DMD: variants seen among roughly 807,000 people sequenced by gnomAD.
The protein encoded by DMD is mutant dystrophin.
A neutral mutation model predicts 330.1 loss-of-function variants in DMD; 63 were observed. That is an observed-to-expected ratio of 0.19 (90% CI 0.16 to 0.24). The LOEUF is 0.24. Among genes scored for constraint, DMD ranks in the 10% least tolerant of loss-of-function variants. The pLI, the probability that DMD is intolerant of heterozygous loss-of-function variation, is 1.00. For synonymous variants in DMD, 1,223 were observed against 959.8 expected, an observed-to-expected ratio of 1.27 and a Z score of -5.07; for missense variants, 3,344 against 2,684.1, an observed-to-expected ratio of 1.25 and a Z score of -5.43.
At chrX:31,711,632 A>G in intron 52 of DMD, among the ~76,000 whole-genome samples, 1 of 110,028 alleles carries the variant, frequency 9.1e-6, no homozygotes, top group Non-Finnish European at 1.9e-5. Flanking sequence ...CCTAAAATTT[A>G]TTGCCAAGTT....
Position 32,565,836 on chromosome X carries a change from G to A in DMD, c.1858C>T (p.Leu620=), listed in dbSNP as rs748742382. Residue 620 remains leucine, a synonymous_variant, in exon 16 of 79, where the codon CTG becomes TTG. Coordinates refer to ENST00000357033, the MANE Select transcript of DMD (RefSeq NM_004006.3). ...AGAAGATCTTGTTTGAGTGAATACA[G>A]TTTGCCCATGGATTGCTTTTTCTTT... ...LEKKKQSMGK[L]YSLKQDLLST... is the part of the protein sequence containing the mutation. 8 of 1,209,634 alleles carry A rather than the reference G, an allele frequency of 6.6e-6. No homozygotes were observed. In the Admixed American group the frequency reaches 1.8e-4, roughly 26 times the overall value.
chrX:32,197,215 G>C (rs1473816104), intron 44 of DMD, among the ~76,000 whole-genome samples: 1 of 109,869 alleles, frequency 9.1e-6, no homozygotes, highest in African/African-American at 3.3e-5. Flanking sequence ...TATATTTGTA[G>C]GGTACATGAG....
chrX:32,196,521 T>C (rs1465169264), intron 44 of DMD, among the ~76,000 whole-genome samples: 1 of 112,455 alleles, frequency 8.9e-6, no homozygotes, highest in Non-Finnish European at 1.9e-5. Flanking sequence ...TTAGTTTGCT[T>C]CAGGCTTCGC....
At chrX:33,006,539 C>CA (rs1175520642) in intron 2 of DMD, among the ~76,000 whole-genome samples, 2 of 111,042 alleles carry the variant, frequency 1.8e-5, no homozygotes, top group East Asian at 5.7e-4. Context: ...CATCTACATG[C>CA]AAAAAAATGA....
chrX:32,754,402 G>A (rs948587668), intron 7 of DMD, among the ~76,000 whole-genome samples: 8 of 110,152 alleles, frequency 7.3e-5, no homozygotes, highest in Admixed American at 2.0e-4. Flanking sequence ...ACTAAAATGT[G>A]TATTCTATAT....
chrX:32,062,375 C>T (rs2096231797), intron 44 of DMD, among the ~76,000 whole-genome samples: 2 of 110,824 alleles, frequency 1.8e-5, no homozygotes, highest in South Asian at 3.7e-4. Flanking sequence ...TGAATAATTA[C>T]GTGACAAGAG....
chrX:33,323,338 A>G (rs1260592115), intron 1 of DMD, among the ~76,000 whole-genome samples: 2 of 111,881 alleles, frequency 1.8e-5, no homozygotes, highest in Non-Finnish European at 3.8e-5. Context: ...AGCATCACAC[A>G]TTTAAAGTAG....
chrX:32,896,535 A>T (rs917779540), intron 2 of DMD, among the ~76,000 whole-genome samples: 1 of 112,028 alleles, frequency 8.9e-6, no homozygotes, highest in Admixed American at 9.5e-5. Context: ...GCCCTAAAAG[A>T]CACACTACTG....
Position 31,724,083 on chromosome X carries a change from C to T in DMD, c.7660+5548G>A, listed in dbSNP as rs555648042. Among the ~76,000 whole-genome samples, 63 of 112,220 alleles carry T rather than the reference C, an allele frequency of 5.6e-4. No homozygotes were observed. In the South Asian group the frequency reaches 0.013, roughly 23 times the overall value. ...CTGAACTGAACTCTTTGGTTGCCAGCGGCATCCTAGTGGATGTGAATTTTG... is the reference window on the plus strand; with the variant it reads ...CTGAACTGAACTCTTTGGTTGCCAGTGGCATCCTAGTGGATGTGAATTTTG... On this transcript the variant is annotated intron_variant, in intron 52 of 78. Transcript: ENST00000357033.
At chrX:33,062,503 G>A (rs1366293211) in intron 1 of DMD, among the ~76,000 whole-genome samples, 1 of 112,157 alleles carries the variant, frequency 8.9e-6, no homozygotes, top group Non-Finnish European at 1.9e-5. Flanking sequence ...GAAAGATGGA[G>A]TCTCGTTCTG....
At chrX:33,117,078 A>T (rs180913819) in intron 1 of DMD, among the ~76,000 whole-genome samples, 162 of 109,929 alleles carry the variant, frequency 1.5e-3, no homozygotes, top group Non-Finnish European at 1.8e-3. Context: ...ATATATATAT[A>T]TTTTTTAACA....
chrX:32,911,815 C>A (rs1300232366), intron 2 of DMD, among the ~76,000 whole-genome samples: 2 of 111,413 alleles, frequency 1.8e-5, no homozygotes, highest in Non-Finnish European at 1.9e-5. Flanking sequence ...CTTAGAAATA[C>A]ATCATGTCAG....
intron 2 of DMD, among the ~76,000 whole-genome samples, chrX:33,015,488 A>T (rs532523930): frequency 9.0e-6 from 1 of 110,771 alleles, no homozygotes; most frequent in East Asian, 2.9e-4. Flanking sequence ...CATAGAGGGG[A>T]ACAACACACA....
chrX:31,993,892 C>A (rs1248316372), intron 44 of DMD, among the ~76,000 whole-genome samples: 2 of 111,519 alleles, frequency 1.8e-5, no homozygotes, highest in Non-Finnish European at 3.8e-5. Flanking sequence ...TGGAAGCAAA[C>A]AGAGGAAAAC....
chrX:32,710,116 G>T (rs1468195512), intron 7 of DMD, among the ~76,000 whole-genome samples: 1 of 110,992 alleles, frequency 9.0e-6, no homozygotes, highest in African/African-American at 3.3e-5. Context: ...GTTTGGTATA[G>T]AATTAGTTTT....
chrX:31,659,394 A>G (rs1479453400), intron 53 of DMD, among the ~76,000 whole-genome samples: 1 of 110,823 alleles, frequency 9.0e-6, no homozygotes, highest in Non-Finnish European at 1.9e-5. Flanking sequence ...TAATCCCAGC[A>G]CTTAGGGAGG....
chrX:31,992,976 G>A (rs1168434466), intron 44 of DMD, among the ~76,000 whole-genome samples: 5 of 111,517 alleles, frequency 4.5e-5, no homozygotes, highest in Non-Finnish European at 5.7e-5. Flanking sequence ...CAAATGTAAA[G>A]AACAGATTTG....
intron 60 of DMD, among the ~76,000 whole-genome samples, chrX:31,361,218 C>G (rs977776040): frequency 2.7e-5 from 3 of 109,628 alleles, no homozygotes; most frequent in African/African-American, 1.0e-4. Context: ...AATACTTGAG[C>G]TGGTTTGTTG....
At chrX:33,128,315 T>C in intron 1 of DMD, 1 of 1,035,523 alleles carries the variant, frequency 9.7e-7, no homozygotes, top group Non-Finnish European at 1.2e-6. Context: ...GCACAGAATC[T>C]CTGACCAGCC....
Sources: allele counts gnomAD v4.1 joint callset (sites outside exome capture counted in the v4.1 genomes callset), GRCh38; gene constraint gnomAD v4.1.1; transcripts MANE v1.5; gene names NCBI Gene and HGNC (gene_info 2026-07-23, HGNC 2026-07-21).